Variants in CD5 observed in about 807,000 individuals in gnomAD.
CD5 encodes the protein T-cell surface glycoprotein CD5.
In CD5, 36 loss-of-function variants were observed where a neutral mutation model predicts 60.3. The observed-to-expected ratio is 0.60, with a 90% CI of 0.46 to 0.79. CD5 has a LOEUF of 0.79. Among genes scored for constraint, CD5 ranks in the 30% least tolerant of loss-of-function variants. The pLI is 0.00. For missense variants in CD5, 540 were observed against 630.6 expected, an observed-to-expected ratio of 0.86 and a Z score of 1.54; for synonymous variants, 230 against 257.6, an observed-to-expected ratio of 0.89 and a Z score of 1.03.
intron 6 of CD5, among the ~76,000 whole-genome samples, chr11:61,122,218 A>G (rs982343997): frequency 6.6e-6 from 1 of 151,776 alleles, no homozygotes; most frequent in African/African-American, 2.4e-5. Flanking sequence ...TAGATAGCAC[A>G]TATTTGCTAC....
At chr11:61,123,992 G>A (rs1338583320) in intron 8 of CD5, 55 bp downstream of exon 8, 4 of 1,421,860 alleles carry the variant, frequency 2.8e-6, no homozygotes, top group South Asian at 2.3e-5. Context: ...AGGCCATGGA[G>A]GCAGAGTCGA....
intron 2 of CD5, among the ~76,000 whole-genome samples, chr11:61,117,856 C>T (rs1322532788): frequency 6.6e-6 from 1 of 152,156 alleles, no homozygotes; most frequent in African/African-American, 2.4e-5. Flanking sequence ...TCTCAGACCC[C>T]TTGAGACAGA....
chr11:61,112,591 C>A (rs1384604011), intron 1 of CD5, among the ~76,000 whole-genome samples: 2 of 152,076 alleles, frequency 1.3e-5, no homozygotes, highest in Non-Finnish European at 2.9e-5. Flanking sequence ...TTATAGTGAG[C>A]CAAGATCATG....
At chr11:61,104,072 CTGTGTG>C (rs3045407) in intron 1 of CD5, among the ~76,000 whole-genome samples, 1 of 135,450 alleles carries the variant, frequency 7.4e-6, no homozygotes, top group Non-Finnish European at 1.6e-5. Flanking sequence ...GTGTGTGAGT[CTGTGTG>C]TGAGTCTCTG....
chr11:61,125,908 C>A, intron 10 of CD5, 67 bp downstream of exon 10: 2 of 981,426 alleles, frequency 2.0e-6, no homozygotes, highest in Non-Finnish European at 3.0e-6. Context: ...TGAGCAGCAG[C>A]CACTCAATGC....
upstream of CD5, among the ~76,000 whole-genome samples, chr11:61,097,959 G>A (rs191280499): frequency 5.1e-4 from 77 of 152,304 alleles, 1 homozygote; most frequent in Non-Finnish European, 6.6e-4. Flanking sequence ...ATTGGCTCTC[G>A]ACTACTTGCT....
chr11:61,099,790 A>G (rs573609989), upstream of CD5, among the ~76,000 whole-genome samples: 573 of 151,630 alleles, frequency 3.8e-3, no homozygotes, highest in African/African-American at 0.014. Flanking sequence ...TCACACACAC[A>G]TATATCAAAT....
intron 1 of CD5, among the ~76,000 whole-genome samples, chr11:61,107,151 G>A (rs1279195586): frequency 6.6e-6 from 1 of 152,186 alleles, no homozygotes; most frequent in Non-Finnish European, 1.5e-5. Flanking sequence ...TGAGGTACCT[G>A]GGGAGGATTC....
At chr11:61,100,803 A>T (rs1590763228), upstream of CD5, among the ~76,000 whole-genome samples, 2 of 143,128 alleles carry the variant, frequency 1.4e-5, no homozygotes, top group Middle Eastern at 4.1e-3. Context: ...TGGAGATCAC[A>T]CACACACATC....
chr11:61,097,696 G>A (rs142064115), upstream of CD5, among the ~76,000 whole-genome samples: 2,174 of 152,134 alleles, frequency 0.014, 33 homozygotes, highest in Admixed American at 0.038. Flanking sequence ...TATGCTTCCC[G>A]CAAAAAGAGA....
chr11:61,097,586 A>C (rs1027019397), upstream of CD5, among the ~76,000 whole-genome samples: 1 of 152,184 alleles, frequency 6.6e-6, no homozygotes, highest in Non-Finnish European at 1.5e-5. Context: ...CTTACGCCAA[A>C]TTACCTGACC....
chr11:61,114,266 C>A (rs532699368), intron 1 of CD5, among the ~76,000 whole-genome samples: 7 of 152,072 alleles, frequency 4.6e-5, no homozygotes, highest in African/African-American at 1.4e-4. Flanking sequence ...CATAAGCCAC[C>A]GTGCACGGCC....
chr11:61,125,777 T>C lies in CD5; in HGVS notation c.1426T>C (p.Ser476Pro). 3 of 1,612,118 alleles carry C rather than the reference T, an allele frequency of 1.9e-6. No individual in the cohort carries two copies. The highest frequency in any genetic ancestry group is 2.5e-6 in the Non-Finnish European group (3 of 1,178,790). ...PALEGALHRSSMQPDNSSDSD... is the reference protein window; with the variant it reads ...PALEGALHRSPMQPDNSSDSD... ...TCTGGAAGGGGCTCTGCATCGCTCC[T>C]CCATGCAGCCTGACAACTCCTCCGA... Residue 476 changes from serine (S) to proline (P), a missense_variant, in exon 10 of 11, where the codon TCC becomes CCC. Physicochemically the swap from Ser to Pro is moderately conservative, Grantham distance 74. Transcript: ENST00000347785.
upstream of CD5, among the ~76,000 whole-genome samples, chr11:61,100,158 A>G (rs1860644765): frequency 7.2e-6 from 1 of 138,130 alleles, no homozygotes; most frequent in Non-Finnish European, 1.5e-5. Flanking sequence ...ACACACACAC[A>G]ACATGGAGAT....
chr11:61,094,525 T>C, the CD5 span, among the ~76,000 whole-genome samples: 1 of 152,078 alleles, frequency 6.6e-6, no homozygotes, highest in Non-Finnish European at 1.5e-5. Context: ...AGCACTTTGG[T>C]TTTTGTTTTT....
At position 61,121,912 on chromosome 11, in the gene CD5, G is replaced by A; in HGVS notation, c.1099+8G>A. On this transcript the variant is annotated splice_region_variant and intron_variant, in intron 6 of 10. Transcript: ENST00000347785. ...AGAAGGTGTTTGTCACATGTGAGTT[G>A]GCCACAGCCCACAGTGGGTGGAAGC... 1 of 1,526,078 alleles carries A rather than the reference G, an allele frequency of 6.6e-7. No individual in the cohort carries two copies. The highest frequency in any genetic ancestry group is 8.9e-7 in the Non-Finnish European group (1 of 1,127,720). The allele number at this position is 1,526,078 out of a possible 1,614,324, so 94.5% of individuals were successfully genotyped here.
chr11:61,101,570 C>G (rs1055613349), upstream of CD5, among the ~76,000 whole-genome samples: 8 of 150,952 alleles, frequency 5.3e-5, no homozygotes, highest in South Asian at 8.4e-4. Context: ...AGATCATACA[C>G]ACACATCAAC....
chr11:61,119,252 T>C lies in CD5; in HGVS notation c.482T>C (p.Leu161Pro), dbSNP rs1565186011. 6.2e-7 allele frequency: 1 copy of C among 1,605,276 alleles called. No individual in the cohort carries two copies. Among genetic ancestry groups the C allele is most frequent in the East Asian group, 2.2e-5 (1 of 44,724 alleles). The change falls in exon 5 of 11, where the codon CTG (leucine) becomes CCG (proline). Residue 161 changes from leucine (L) to proline (P), a missense_variant. Coordinates refer to ENST00000347785, the MANE Select transcript of CD5 (RefSeq NM_014207.4). ...CTCCTAGCTCCTCCCAGGCTGCAGC[T>C]GGTGGCACAGTCTGGCGGCCAGCAC... ...PEPTAPPRLQ[L>P]VAQSGGQHCA...
upstream of CD5, among the ~76,000 whole-genome samples, chr11:61,099,600 T>A (rs1860630784): frequency 7.3e-6 from 1 of 136,480 alleles, no homozygotes; most frequent in South Asian, 2.3e-4. Context: ...AACATGGAGA[T>A]CACATTCACA....
Sources: allele counts gnomAD v4.1 joint callset (sites outside exome capture counted in the v4.1 genomes callset), GRCh38; gene constraint gnomAD v4.1.1; transcripts MANE v1.5; gene names NCBI Gene and HGNC (gene_info 2026-07-23, HGNC 2026-07-21).